PITPNM2: variants seen among roughly 807,000 people sequenced by gnomAD.
The protein encoded by PITPNM2 is phosphatidylinositol transfer protein membrane associated 2.
PITPNM2 carries 35 observed loss-of-function variants against 132.2 expected under a neutral mutation model. That is an observed-to-expected ratio of 0.26 (90% CI 0.20 to 0.35). PITPNM2 has a LOEUF of 0.35. Ranked by LOEUF, PITPNM2 falls within the 10% of genes least tolerant of loss-of-function variation. The pLI is 1.00. For synonymous variants in PITPNM2, 738 were observed against 799.2 expected, an observed-to-expected ratio of 0.92 and a Z score of 1.29; for missense variants, 1,332 against 1,912.0, an observed-to-expected ratio of 0.70 and a Z score of 5.66.
chr12:123,046,466 T>G (rs563249314), intron 2 of PITPNM2, among the ~76,000 whole-genome samples: 1 of 152,340 alleles, frequency 6.6e-6, no homozygotes, highest in African/African-American at 2.4e-5. Context: ...TCACATGCCA[T>G]GTAATTCACC....
chr12:122,988,141 G>T, intron 20 of PITPNM2, 93 bp downstream of exon 20: 2 of 1,151,960 alleles, frequency 1.7e-6, no homozygotes, highest in Non-Finnish European at 2.6e-6. Flanking sequence ...ACATAAGACT[G>T]CAGGCTTCCC....
At chr12:123,011,902 A>G (rs904006670) in intron 5 of PITPNM2, among the ~76,000 whole-genome samples, 44 of 152,108 alleles carry the variant, frequency 2.9e-4, no homozygotes, top group African/African-American at 1.1e-3. Context: ...TTTGTTTCGC[A>G]GACCCAGGAA....
rs1361605467 is a variant in PITPNM2, at chr12:123,083,503, T to C, written c.-96+26882A>G. 3 of 152,214 alleles carry C rather than the reference T, an allele frequency of 2.0e-5. No homozygotes were observed. The highest frequency in any genetic ancestry group is 7.2e-5 in the African/African-American group (3 of 41,430). The allele number at this position is 152,214 out of a possible 1,614,324, so 9.4% of individuals were successfully genotyped here. On this transcript the variant is annotated intron_variant, in intron 2 of 25. Transcript: ENST00000320201. The surrounding 1 kb of genome is among the most constrained non-coding windows in gnomAD (Gnocchi z 4.5). ...CCACAGGCCTACCATCCCTGAGAGG[T>C]AGCGGTGCTCAGCGTGGCAGGACGC... is the stretch of plus-strand genomic sequence containing the variant.
chr12:123,136,318 A>G (rs565225312), intron 1 of PITPNM2, among the ~76,000 whole-genome samples: 6 of 152,002 alleles, frequency 3.9e-5, no homozygotes, highest in Admixed American at 2.6e-4. Flanking sequence ...AAAAAATTAA[A>G]CTCATTTATC....
At chr12:123,149,246 A>G (rs2043679804) in intron 1 of PITPNM2, among the ~76,000 whole-genome samples, 1 of 152,194 alleles carries the variant, frequency 6.6e-6, no homozygotes, top group African/African-American at 2.4e-5. Flanking sequence ...GAAGACCAGG[A>G]GAGAGAATGG....
At position 122,996,889 on chromosome 12, in the gene PITPNM2, G is replaced by T; in HGVS notation, c.1494C>A (p.Asp498Glu). 4 of 1,582,524 alleles carry T rather than the reference G, an allele frequency of 2.5e-6. No homozygotes were observed. Among genetic ancestry groups the T allele is most frequent in the Non-Finnish European group, 3.4e-6 (4 of 1,171,464 alleles). The stretch of plus-strand genomic sequence containing the variant: ...CCTGACTGCTGGACAGACAGCCTTC[G>T]TCATGGCTGTAGGGGCTGAGGCTGG... Reference protein sequence around the residue: ...LVSNLSPYSHDEGCLSSSQDH... With the variant: ...LVSNLSPYSHEEGCLSSSQDH... The change falls in exon 12 of 26, where the codon GAC (aspartate) becomes GAA (glutamate). Residue 498 changes from aspartate to glutamate, a missense_variant. Coordinates refer to ENST00000320201, the MANE Select transcript of PITPNM2 (RefSeq NM_020845.3).
chr12:123,060,087 T>G (rs1446025658), intron 2 of PITPNM2, among the ~76,000 whole-genome samples: 1 of 152,176 alleles, frequency 6.6e-6, no homozygotes, highest in Non-Finnish European at 1.5e-5. Flanking sequence ...CCTGGCTCTT[T>G]TTATCAACCC....
At position 123,036,169 on chromosome 12, in the gene PITPNM2, T is replaced by C. The variant is rs543566549; in HGVS notation, c.-95-1484A>G. 6.6e-6 allele frequency among the ~76,000 whole-genome samples: 1 copy of C among 152,282 alleles called. No homozygotes were observed. Among genetic ancestry groups the C allele is most frequent in the African/African-American group, 2.4e-5 (1 of 41,538 alleles). ...CCAGGGCACGGCTCTCTATCGGGCA[T>C]TGGAGTATCACCCAGGTGCTAAAGC... On this transcript the variant is annotated intron_variant, in intron 2 of 25. Transcript: ENST00000320201. The surrounding 1 kb of genome is among the most constrained non-coding windows in gnomAD (Gnocchi z 4.1).
chr12:123,005,271 G>A lies in PITPNM2; in HGVS notation c.921C>T (p.Ser307=), dbSNP rs1423165972. ...GCTTGGACGACCGAGACGACTTGGA[G>A]GATGTGGACCACTGTTTCTTGAGGC... ...GRGLKKQWST[S]SKSSRSSKRG... is the part of the protein sequence containing the mutation. Residue 307 remains serine (S), a synonymous_variant, in exon 7 of 26, where the codon TCC becomes TCT. Transcript: ENST00000320201. This position sits in a 1 kb window ranked among gnomAD's most constrained non-coding sequence, Gnocchi z 6.2. 6.2e-7 allele frequency: 1 copy of A among 1,613,562 alleles called. No homozygotes were observed. Among genetic ancestry groups the A allele is most frequent in the East Asian group, 2.2e-5 (1 of 44,854 alleles).
At chr12:123,089,090 A>T (rs936615014) in intron 2 of PITPNM2, 12 of 152,206 alleles carry the variant, frequency 7.9e-5, no homozygotes, top group Admixed American at 3.3e-4. Context: ...GGTATACAAA[A>T]AATGATAGAG....
intron 14 of PITPNM2, 127 bp from the exon 15 acceptor site, chr12:122,995,106 G>A: frequency 8.9e-7 from 1 of 1,118,136 alleles, no homozygotes; most frequent in East Asian, 2.6e-5. Flanking sequence ...CCCTGAGCTG[G>A]ACCACCTGCC....
At chr12:122,995,731 C>A in intron 13 of PITPNM2, 71 bp from the exon 14 acceptor site, 2 of 1,479,202 alleles carry the variant, frequency 1.4e-6, no homozygotes, top group Non-Finnish European at 1.8e-6. Flanking sequence ...GTCCTGGAAG[C>A]TGCCTCCTCC....
intron 2 of PITPNM2, among the ~76,000 whole-genome samples, chr12:123,102,630 T>C (rs1000595611): frequency 6.6e-6 from 1 of 152,236 alleles, no homozygotes; most frequent in African/African-American, 2.4e-5. Context: ...ATTCTTCCCA[T>C]GCTGAGCTGG....
intron 10 of PITPNM2, 110 bp from the exon 11 acceptor site, chr12:122,997,682 C>T (rs2038490795): frequency 7.0e-7 from 1 of 1,430,932 alleles, no homozygotes; most frequent in Non-Finnish European, 9.5e-7. Flanking sequence ...CCAACTGCTC[C>T]CTCTGAGAAC....
chr12:123,003,093 TTCC>T (rs1211656374), intron 8 of PITPNM2, among the ~76,000 whole-genome samples: 1 of 152,122 alleles, frequency 6.6e-6, no homozygotes, highest in African/African-American at 2.4e-5. Flanking sequence ...CTAGAACTCA[TTCC>T]TCCTATCTAG....
chr12:123,101,156 T>C (rs2042554689), intron 2 of PITPNM2, among the ~76,000 whole-genome samples: 1 of 152,264 alleles, frequency 6.6e-6, no homozygotes, highest in East Asian at 1.9e-4. Flanking sequence ...TTGTTTTCTT[T>C]CCTTTGGTCA....
chr12:123,019,077 C>T (rs984443017), intron 3 of PITPNM2, among the ~76,000 whole-genome samples: 7 of 152,174 alleles, frequency 4.6e-5, no homozygotes, highest in Non-Finnish European at 8.8e-5. Flanking sequence ...AGCCACCGTG[C>T]CTGGCTGGTA....
chr12:122,997,132 A>G (rs1326120332), intron 11 of PITPNM2, among the ~76,000 whole-genome samples, 193 bp downstream of exon 11: 1 of 152,132 alleles, frequency 6.6e-6, no homozygotes, highest in African/African-American at 2.4e-5. Flanking sequence ...AGGCTCAGCC[A>G]TGGGCCCAGG....
chr12:122,988,625 T>G, intron 19 of PITPNM2, 99 bp downstream of exon 19: 1 of 1,266,002 alleles, frequency 7.9e-7, no homozygotes, highest in Non-Finnish European at 1.1e-6. Flanking sequence ...TCTGATGGGG[T>G]TGGAGAGGAG....
Sources: allele counts gnomAD v4.1 joint callset (sites outside exome capture counted in the v4.1 genomes callset), GRCh38; gene constraint gnomAD v4.1.1; non-coding constraint Gnocchi (gnomAD v3.1); transcripts MANE v1.5; gene names NCBI Gene and HGNC (gene_info 2026-07-23, HGNC 2026-07-21).